Variants in CYP39A1 observed in about 807,000 individuals in gnomAD.
CYP39A1 encodes 24-hydroxycholesterol 7-alpha-hydroxylase.
Under a neutral mutation model 58.1 loss-of-function variants are expected in CYP39A1, and 49 were observed. That is an observed-to-expected ratio of 0.84 (90% CI 0.67 to 1.07). The LOEUF (loss-of-function observed/expected upper bound fraction) is 1.07, where lower values mean the gene tolerates loss of function less well. CYP39A1 is among the 50% of genes least tolerant of loss of function. The pLI, the probability that CYP39A1 is intolerant of heterozygous loss-of-function variation, is 0.00. For synonymous variants in CYP39A1, 209 were observed against 187.6 expected, an observed-to-expected ratio of 1.11 and a Z score of -0.93; for missense variants, 531 against 539.4, an observed-to-expected ratio of 0.98 and a Z score of 0.16.
intron 6 of CYP39A1, among the ~76,000 whole-genome samples, chr6:46,629,260 T>C (rs1775506410): frequency 6.6e-6 from 1 of 152,220 alleles, no homozygotes; most frequent in Non-Finnish European, 1.5e-5. Context: ...CGACTTCCCC[T>C]GTGTCAGATC....
chr6:46,580,003 A>G (rs1044827287), intron 10 of CYP39A1, among the ~76,000 whole-genome samples: 3 of 152,200 alleles, frequency 2.0e-5, no homozygotes, highest in African/African-American at 7.2e-5. Flanking sequence ...GGAAAAAACT[A>G]TTCTAAAATC....
chr6:46,610,802 T>C (rs1774170609), intron 7 of CYP39A1, among the ~76,000 whole-genome samples: 1 of 152,248 alleles, frequency 6.6e-6, no homozygotes. Flanking sequence ...AGGAAGGTGA[T>C]ATGCCTTTTT....
At chr6:46,614,793 G>A (rs1324836473) in intron 7 of CYP39A1, among the ~76,000 whole-genome samples, 1 of 152,102 alleles carries the variant, frequency 6.6e-6, no homozygotes, top group Non-Finnish European at 1.5e-5. Context: ...TAACTTTTAA[G>A]AGGGCTGGAC....
chr6:46,638,712 C>G (rs2150592749), intron 3 of CYP39A1, among the ~76,000 whole-genome samples: 1 of 152,142 alleles, frequency 6.6e-6, no homozygotes, highest in Middle Eastern at 3.4e-3. Context: ...TTGTGTCCCC[C>G]CTCCACCCCC....
intron 9 of CYP39A1, among the ~76,000 whole-genome samples, chr6:46,587,649 G>C (rs1052879645): frequency 2.6e-5 from 4 of 152,132 alleles, no homozygotes; most frequent in African/African-American, 9.7e-5. Context: ...CCAGTTCTAA[G>C]AAACAGCAGA....
At chr6:46,558,492 T>C (rs1770778427) in intron 10 of CYP39A1, among the ~76,000 whole-genome samples, 1 of 152,104 alleles carries the variant, frequency 6.6e-6, no homozygotes, top group African/African-American at 2.4e-5. Context: ...TTCACCCCCA[T>C]GATTCAATCA....
At chr6:46,626,221 T>C (rs1020535976) in intron 6 of CYP39A1, among the ~76,000 whole-genome samples, 4 of 152,168 alleles carry the variant, frequency 2.6e-5, no homozygotes, top group African/African-American at 7.2e-5. Flanking sequence ...AAAATCATAC[T>C]GCTTTACATC....
At chr6:46,617,377 T>C (rs943137489) in intron 7 of CYP39A1, among the ~76,000 whole-genome samples, 2 of 152,164 alleles carry the variant, frequency 1.3e-5, no homozygotes, top group Non-Finnish European at 2.9e-5. Context: ...TTCCAAAGTC[T>C]ACCTTGGTTA....
At chr6:46,551,651 T>C (rs1770401689) in intron 11 of CYP39A1, among the ~76,000 whole-genome samples, 1 of 152,166 alleles carries the variant, frequency 6.6e-6, no homozygotes. Context: ...AATTGGAGAT[T>C]CTAGCATTTG....
At chr6:46,595,921 T>C in intron 8 of CYP39A1, 66 bp downstream of exon 8, 5 of 1,466,942 alleles carry the variant, frequency 3.4e-6, no homozygotes, top group Non-Finnish European at 4.7e-6. Flanking sequence ...CTGAAAAATA[T>C]ATGTGGGCAA....
At chr6:46,637,748 TA>T (rs1466224367) in intron 4 of CYP39A1, 80 bp downstream of exon 4, 18 of 1,463,784 alleles carry the variant, frequency 1.2e-5, no homozygotes, top group Non-Finnish European at 1.6e-5. Context: ...CTGTTACATC[TA>T]CTTAGAACAG....
chr6:46,587,425 TAAG>T (rs1444764687), intron 9 of CYP39A1, among the ~76,000 whole-genome samples: 1 of 152,132 alleles, frequency 6.6e-6, no homozygotes, highest in African/African-American at 2.4e-5. Flanking sequence ...AGAATTGACC[TAAG>T]AAGAGGAAGA....
intron 7 of CYP39A1, among the ~76,000 whole-genome samples, chr6:46,602,736 G>C (rs1773589494): frequency 7.0e-6 from 1 of 143,006 alleles, no homozygotes; most frequent in Non-Finnish European, 1.5e-5. Context: ...TGAATTAAAA[G>C]AGGTAGAAGA....
chr6:46,587,300 A>C, intron 9 of CYP39A1, 135 bp from the exon 10 acceptor site: 1 of 680,076 alleles, frequency 1.5e-6, no homozygotes, highest in South Asian at 1.7e-5. Context: ...AATTTTTTCC[A>C]CCCTGTTATT....
intron 10 of CYP39A1, among the ~76,000 whole-genome samples, chr6:46,558,932 G>A (rs1461300124): frequency 6.6e-6 from 1 of 151,664 alleles, no homozygotes; most frequent in Non-Finnish European, 1.5e-5. Context: ...GGAAGCAGGG[G>A]GTGCAGTGAG....
In CYP39A1 at chr6:46,636,381, ATACT is replaced by A; in HGVS notation, c.732+4_732+7del. The A allele has an allele frequency of 1.3e-6, 2 of 1,545,086 alleles. No homozygotes were observed. ...TACATTAGCAAAAGAAAGGTAAGAA[ATACT>A]TACCATGGAATTATCTTTTGCAGAT... On this transcript the variant is annotated splice_donor_5th_base_variant and intron_variant, in intron 5 of 11. Coordinates refer to ENST00000275016, the MANE Select transcript of CYP39A1 (RefSeq NM_016593.5).
intron 1 of CYP39A1, among the ~76,000 whole-genome samples, chr6:46,649,879 T>C (rs1196590966): frequency 2.0e-5 from 3 of 152,296 alleles, no homozygotes; most frequent in Admixed American, 6.5e-5. Flanking sequence ...TCACCAAAGT[T>C]GTCTCTTCTC....
intron 7 of CYP39A1, among the ~76,000 whole-genome samples, chr6:46,608,894 G>A (rs1351669629): frequency 3.9e-5 from 6 of 151,976 alleles, no homozygotes; most frequent in African/African-American, 1.2e-4. Flanking sequence ...GATTATAGGC[G>A]TGAGCCATCG....
intron 11 of CYP39A1, among the ~76,000 whole-genome samples, 165 bp from the exon 12 acceptor site, chr6:46,550,602 T>C (rs955421624): frequency 6.6e-6 from 1 of 152,204 alleles, no homozygotes; most frequent in African/African-American, 2.4e-5. Context: ...ACATCAACTT[T>C]AGCCTTCCAT....
Sources: gnomAD v4.1 joint callset for allele counts (sites outside exome capture counted in the v4.1 genomes callset) on GRCh38, gnomAD v4.1.1 for gene constraint, MANE v1.5 for transcripts, NCBI Gene and HGNC (gene_info 2026-07-23, HGNC 2026-07-21) for gene names.